ERBB4: variants seen among roughly 807,000 people sequenced by gnomAD.
ERBB4 encodes the protein erb-b2 receptor tyrosine kinase 4, also known as receptor tyrosine-protein kinase erbB-4.
A neutral mutation model predicts 158.0 loss-of-function variants in ERBB4; 42 were observed. The ratio of observed to expected loss-of-function variants is 0.27; its 90% confidence interval spans 0.21 to 0.34. The LOEUF (loss-of-function observed/expected upper bound fraction) is 0.34. Among genes scored for constraint, ERBB4 ranks in the 10% least tolerant of loss-of-function variants. The pLI is 1.00. For missense variants in ERBB4, 1,333 were observed against 1,624.1 expected (o/e 0.82, Z 3.08); for synonymous variants, 583 against 558.7 (o/e 1.04, Z -0.61).
chr2:212,079,012 T>C (rs2078355539), intron 2 of ERBB4, among the ~76,000 whole-genome samples: 1 of 151,378 alleles, frequency 6.6e-6, no homozygotes, highest in African/African-American at 2.4e-5. Flanking sequence ...TTTACTTCAT[T>C]CCTTTTTTCT....
At chr2:211,707,108 T>C (rs1336134832) in intron 9 of ERBB4, among the ~76,000 whole-genome samples, 1 of 152,170 alleles carries the variant, frequency 6.6e-6, no homozygotes, top group Non-Finnish European at 1.5e-5. Flanking sequence ...TGAGAAAAAC[T>C]CAAAATTCAG....
At chr2:212,389,575 GC>G in intron 1 of ERBB4, among the ~76,000 whole-genome samples, 1 of 151,956 alleles carries the variant, frequency 6.6e-6, no homozygotes, top group East Asian at 1.9e-4. Flanking sequence ...CAATACTTTA[GC>G]AAATATGGAA....
At chr2:211,508,950 C>CA (rs1043037025) in intron 20 of ERBB4, among the ~76,000 whole-genome samples, 17 of 151,114 alleles carry the variant, frequency 1.1e-4, no homozygotes, top group East Asian at 5.8e-4. Context: ...AACAAAAAAA[C>CA]AAAACAAAAA....
intron 1 of ERBB4, among the ~76,000 whole-genome samples, chr2:212,359,812 C>T (rs1174557817): frequency 1.3e-5 from 2 of 151,564 alleles, no homozygotes; most frequent in African/African-American, 2.4e-5. Flanking sequence ...ATAATAATTA[C>T]ATTCGCACAT....
chr2:211,696,151 C>A (rs1349581543), intron 12 of ERBB4, among the ~76,000 whole-genome samples: 1 of 150,268 alleles, frequency 6.7e-6, no homozygotes, highest in Non-Finnish European at 1.5e-5. Context: ...CACTTTGTTG[C>A]CCAGGCTGAA....
At chr2:212,188,991 G>A (rs759948460) in intron 1 of ERBB4, among the ~76,000 whole-genome samples, 4 of 149,770 alleles carry the variant, frequency 2.7e-5, no homozygotes, top group Non-Finnish European at 4.4e-5. Context: ...AGTGCTCAGT[G>A]GCTGTTCTGA....
At chr2:211,750,495 G>A in intron 5 of ERBB4, 144 bp downstream of exon 5, 2 of 725,568 alleles carry the variant, frequency 2.8e-6, no homozygotes, top group Non-Finnish European at 5.0e-6. Flanking sequence ...TGAAAATCGG[G>A]TAGTTTTCTT....
chr2:212,232,333 G>T (rs984845226), intron 1 of ERBB4, among the ~76,000 whole-genome samples: 3 of 152,098 alleles, frequency 2.0e-5, no homozygotes, highest in African/African-American at 7.2e-5. Context: ...GTTAAATAAA[G>T]GCTTTGAAGG....
In ERBB4 at chr2:211,552,628, A is replaced by G. The variant is rs137915563; in HGVS notation, c.2487+9275T>C. ...ATCAATTAGGGCACCGGAAAAAAAAATCTGACAAGGTAAATAGGCCAGCAA... is the reference window on the plus strand; with the variant it reads ...ATCAATTAGGGCACCGGAAAAAAAAGTCTGACAAGGTAAATAGGCCAGCAA... On this transcript the variant is annotated intron_variant, in intron 20 of 27. Transcript: ENST00000342788. Among the ~76,000 whole-genome samples the G allele has an allele frequency of 2.2e-3, 334 of 152,260 alleles. 2 individuals carry two copies. Among genetic ancestry groups the G allele is most frequent in the African/African-American group, 7.6e-3 (314 of 41,540 alleles).
At chr2:212,195,997 A>T (rs944385888) in intron 1 of ERBB4, among the ~76,000 whole-genome samples, 4 of 152,142 alleles carry the variant, frequency 2.6e-5, no homozygotes, top group Admixed American at 2.6e-4. Context: ...ATGTAGACAC[A>T]TGTCAACATC....
rs2062532370 is a variant in ERBB4, at chr2:211,379,203, T to G, written c.*4412A>C. 2 of 230,468 alleles carry G rather than the reference T, an allele frequency of 8.7e-6. No individual in the cohort carries two copies. Among genetic ancestry groups the G allele is most frequent in the Admixed American group, 1.1e-4 (2 of 17,656 alleles). 14.3% of individuals were successfully genotyped at this position (230,468 alleles called of 1,614,324 possible). On this transcript the variant is annotated 3_prime_UTR_variant, in exon 28 of 28. Transcript: ENST00000342788. ...TCACCAATTAACTGTATTTTGTTTG[T>G]TTGCTAGCTAAATGACACCACTCCT...
At chr2:212,173,794 G>A (rs1396667574) in intron 1 of ERBB4, among the ~76,000 whole-genome samples, 4 of 152,052 alleles carry the variant, frequency 2.6e-5, no homozygotes, top group African/African-American at 7.2e-5. Flanking sequence ...GAACAATGTC[G>A]TTTGCACATG....
At chr2:211,782,968 T>C (rs1278643424) in intron 4 of ERBB4, among the ~76,000 whole-genome samples, 1 of 152,210 alleles carries the variant, frequency 6.6e-6, no homozygotes, top group Non-Finnish European at 1.5e-5. Context: ...TTGGGCAGTA[T>C]GGCCATTTTC....
chr2:211,512,941 G>C (rs2065917972), intron 20 of ERBB4, among the ~76,000 whole-genome samples: 1 of 152,102 alleles, frequency 6.6e-6, no homozygotes, highest in East Asian at 1.9e-4. Context: ...ATCATTGACT[G>C]GAAAACAAGT....
chr2:211,933,269 A>G (rs1022573289), intron 3 of ERBB4, among the ~76,000 whole-genome samples: 4 of 152,084 alleles, frequency 2.6e-5, no homozygotes, highest in Admixed American at 2.6e-4. Flanking sequence ...AAGTTCAGCC[A>G]CACATTCACT....
At chr2:211,943,625 T>C (rs1341628449) in intron 3 of ERBB4, among the ~76,000 whole-genome samples, 1 of 152,062 alleles carries the variant, frequency 6.6e-6, no homozygotes, top group Non-Finnish European at 1.5e-5. Flanking sequence ...CCTTTATAGA[T>C]TGTGTGGCCT....
At chr2:212,153,787 T>G (rs537226974) in intron 1 of ERBB4, among the ~76,000 whole-genome samples, 1 of 152,280 alleles carries the variant, frequency 6.6e-6, no homozygotes, top group Non-Finnish European at 1.5e-5. Flanking sequence ...CCAGTGAAGT[T>G]TCATTCTAAC....
intron 3 of ERBB4, among the ~76,000 whole-genome samples, chr2:211,896,552 C>A (rs1009633248): frequency 1.3e-5 from 2 of 151,954 alleles, no homozygotes; most frequent in African/African-American, 4.8e-5. Context: ...TTATTTCTAC[C>A]TTTTCTTCCC....
chr2:212,166,501 G>A lies in ERBB4; in HGVS notation c.83-41598C>T, dbSNP rs1320999226. ...AGGAAGAATCGGTCTCATGAAAATG[G>A]TTATACTGCCCAAAGTAATTTTTAG... On this transcript the variant is annotated intron_variant, in intron 1 of 27. Coordinates refer to ENST00000342788, the MANE Select transcript of ERBB4 (RefSeq NM_005235.3). Among the ~76,000 whole-genome samples, 3 of 151,222 alleles carry A rather than the reference G, an allele frequency of 2.0e-5. No homozygotes were observed. The East Asian group carries it at 5.8e-4, about 29-fold the overall frequency.
Sources: allele counts gnomAD v4.1 joint callset (sites outside exome capture counted in the v4.1 genomes callset), GRCh38; gene constraint gnomAD v4.1.1; transcripts MANE v1.5; gene names NCBI Gene and HGNC (gene_info 2026-07-23, HGNC 2026-07-21).